The following RP1 variants were observed in gnomAD, a reference collection of about 807,000 sequenced individuals.
The protein encoded by RP1 is RP1 axonemal microtubule associated, also known as oxygen-regulated protein 1.
In RP1, 16 loss-of-function variants were observed where a neutral mutation model predicts 14.8. The observed-to-expected ratio is 1.08, with a 90% confidence interval of 0.73 to 1.65. RP1 has a LOEUF of 1.65. RP1 is among the 40% of genes most tolerant of loss of function. The probability of loss-of-function intolerance (pLI) is 0.00; values close to 1 mark genes in which losing one functional copy is unlikely to be tolerated. For synonymous variants in RP1, 876 were observed against 883.6 expected, an observed-to-expected ratio of 0.99 and a Z score of 0.15; for missense variants, 2,631 against 2,535.0, an observed-to-expected ratio of 1.04 and a Z score of -0.81.
At chr8:54,657,890 T>G (rs1585585315) in intron 6 of RP1, among the ~76,000 whole-genome samples, 1 of 152,356 alleles carries the variant, frequency 6.6e-6, no homozygotes, top group Middle Eastern at 3.4e-3. Flanking sequence ...TGAGCTACTT[T>G]TAAACAAATT....
At chr8:54,866,223 A>G (rs1277159705) in intron 28 of RP1, among the ~76,000 whole-genome samples, 1 of 152,196 alleles carries the variant, frequency 6.6e-6, no homozygotes, top group Admixed American at 6.5e-5. Flanking sequence ...CCCTGCTAGT[A>G]CTGTGAACTT....
intron 24 of RP1, among the ~76,000 whole-genome samples, chr8:54,832,380 A>C (rs1211267940): frequency 1.3e-5 from 2 of 151,742 alleles, no homozygotes; most frequent in East Asian, 3.9e-4. Flanking sequence ...CTTCAAGTTT[A>C]CTGACTTTTT....
At chr8:54,679,570 T>C in intron 10 of RP1, 1 of 1,535,962 alleles carries the variant, frequency 6.5e-7, no homozygotes. Flanking sequence ...CTTCTGAAAT[T>C]AATTGCCCTC....
At chr8:54,750,486 C>T (rs960465856) in intron 19 of RP1, among the ~76,000 whole-genome samples, 1 of 152,170 alleles carries the variant, frequency 6.6e-6, no homozygotes, top group African/African-American at 2.4e-5. Flanking sequence ...TACAATATTC[C>T]TAAGTATCAC....
At chr8:54,721,274 C>G (rs1016739052) in intron 16 of RP1, among the ~76,000 whole-genome samples, 2 of 152,224 alleles carry the variant, frequency 1.3e-5, no homozygotes, top group Non-Finnish European at 2.9e-5. Context: ...TCCCTCCACC[C>G]TTCATTTTCC....
intron 8 of RP1, among the ~76,000 whole-genome samples, chr8:54,674,829 G>A (rs558193141): frequency 1.3e-5 from 2 of 152,184 alleles, no homozygotes; most frequent in East Asian, 3.9e-4. Flanking sequence ...TGGACAAAAT[G>A]TATCTATATT....
At chr8:54,798,446 A>G (rs187507021) in intron 24 of RP1, among the ~76,000 whole-genome samples, 1 of 152,342 alleles carries the variant, frequency 6.6e-6, no homozygotes, top group East Asian at 1.9e-4. Context: ...TTAAGGAAAC[A>G]AGGAAAACTG....
chr8:54,853,648 A>AAATTT (rs1812106629), intron 26 of RP1, among the ~76,000 whole-genome samples: 1 of 152,044 alleles, frequency 6.6e-6, no homozygotes, highest in Admixed American at 6.6e-5. Flanking sequence ...TATTGGAAAA[A>AAATTT]AATTTAAAAC....
At chr8:54,580,885 G>A (rs1246211897) in intron 1 of RP1, among the ~76,000 whole-genome samples, 1 of 152,126 alleles carries the variant, frequency 6.6e-6, no homozygotes, top group Admixed American at 6.5e-5. Context: ...CCAAAGTGCT[G>A]GGAGTACAGG....
chr8:54,634,830 C>T (rs1281859255), downstream of RP1, among the ~76,000 whole-genome samples: 5 of 152,078 alleles, frequency 3.3e-5, no homozygotes, highest in African/African-American at 1.2e-4. Flanking sequence ...ACCTGTAATC[C>T]CAGCACTTTG....
intron 19 of RP1, among the ~76,000 whole-genome samples, chr8:54,753,785 A>C (rs994886995): frequency 6.6e-6 from 1 of 152,168 alleles, no homozygotes; most frequent in Admixed American, 6.5e-5. Context: ...TCTGTTTTAA[A>C]ATAGTCTCTC....
intron 1 of RP1, among the ~76,000 whole-genome samples, chr8:54,567,045 C>T (rs1250853382): frequency 1.3e-5 from 2 of 152,180 alleles, no homozygotes; most frequent in Non-Finnish European, 2.9e-5. Flanking sequence ...GTCCTGGCTG[C>T]AGTTCTGGGC....
chr8:54,730,825 A>T (rs1808777328), intron 17 of RP1, among the ~76,000 whole-genome samples: 1 of 152,154 alleles, frequency 6.6e-6, no homozygotes, highest in African/African-American at 2.4e-5. Context: ...TTTATGAATA[A>T]AACAAGACTA....
intron 3 of RP1, among the ~76,000 whole-genome samples, chr8:54,646,725 CCA>C: frequency 6.6e-6 from 1 of 152,098 alleles, no homozygotes; most frequent in African/African-American, 2.4e-5. Context: ...ATTTTTATTT[CCA>C]TTCTTTCACT....
rs113909947 is a variant in RP1, at chr8:54,682,495, A to G, written c.1717+2562A>G. Among the ~76,000 whole-genome samples the G allele has an allele frequency of 3.4e-3, 516 of 152,276 alleles. 3 individuals are homozygous for G. Among genetic ancestry groups the G allele is most frequent in the African/African-American group, 0.012 (487 of 41,570 alleles). ...TACCCACAGGAATATAAATCATTCTATTATAAAGATACATGCACACATATG... is the reference window on the plus strand; with the variant it reads ...TACCCACAGGAATATAAATCATTCTGTTATAAAGATACATGCACACATATG... On this transcript the variant is annotated intron_variant, in intron 12 of 22. Transcript: ENST00000636932.
chr8:54,564,716 C>T (rs1447989464), intron 1 of RP1, among the ~76,000 whole-genome samples: 1 of 152,154 alleles, frequency 6.6e-6, no homozygotes. Context: ...TTTGAGCAAG[C>T]CAATTTTATT....
At chr8:54,570,939 A>G (rs1212983756) in intron 1 of RP1, among the ~76,000 whole-genome samples, 40 of 152,300 alleles carry the variant, frequency 2.6e-4, no homozygotes, top group Non-Finnish European at 2.5e-4. Context: ...CTGCTGCCGC[A>G]GCTGTAATCA....
In RP1 at chr8:54,664,649, A is replaced by G. The variant is rs573803799; in HGVS notation, c.1323+799A>G. 3.9e-5 allele frequency among the ~76,000 whole-genome samples: 6 copies of G among 152,272 alleles called. No individual in the cohort carries two copies. In the East Asian group the frequency reaches 9.6e-4, roughly 24 times the overall value. Reference sequence around the variant, plus strand: ...TCTTTATTTATTAGTGATGTTGAACATCTTTCATATGCTTATTGGCCACTT... The same window carrying G: ...TCTTTATTTATTAGTGATGTTGAACGTCTTTCATATGCTTATTGGCCACTT... On this transcript the variant is annotated intron_variant, in intron 7 of 22. Transcript: ENST00000636932.
intron 22 of RP1, among the ~76,000 whole-genome samples, chr8:54,761,370 G>A (rs1585669782): frequency 6.6e-6 from 1 of 151,500 alleles, no homozygotes; most frequent in African/African-American, 2.4e-5. Flanking sequence ...CCAAGTAGCT[G>A]GGATTACAGG....
Sources: allele counts gnomAD v4.1 joint callset (sites outside exome capture counted in the v4.1 genomes callset), GRCh38; gene constraint gnomAD v4.1.1; transcripts MANE v1.5; gene names NCBI Gene and HGNC (gene_info 2026-07-23, HGNC 2026-07-21).